The following PEX5L variants were observed in gnomAD, a reference collection of about 807,000 sequenced individuals.
PEX5L encodes the protein PEX5-related protein.
PEX5L carries 30 observed loss-of-function variants against 84.0 expected under a neutral mutation model. That is an observed-to-expected ratio of 0.36 (90% CI 0.27 to 0.48). The LOEUF (loss-of-function observed/expected upper bound fraction) is 0.48. Ranked by LOEUF, PEX5L falls within the 20% of genes least tolerant of loss-of-function variation. The pLI, the probability that PEX5L is intolerant of heterozygous loss-of-function variation, is 0.99. For missense variants in PEX5L, 533 were observed against 754.6 expected (o/e 0.71, Z 3.44); for synonymous variants, 270 against 283.1 (o/e 0.95, Z 0.46).
At chr3:179,913,450 A>T (rs1392842738) in intron 2 of PEX5L, among the ~76,000 whole-genome samples, 1 of 152,168 alleles carries the variant, frequency 6.6e-6, no homozygotes, top group Non-Finnish European at 1.5e-5. Flanking sequence ...TTCAGTAAAA[A>T]CTTAACCTAA....
intron 2 of PEX5L, among the ~76,000 whole-genome samples, chr3:179,938,244 T>C (rs1775135910): frequency 6.6e-6 from 1 of 152,238 alleles, no homozygotes; most frequent in African/African-American, 2.4e-5. Context: ...TCCTTTCATC[T>C]ATTAAAATGT....
intron 14 of PEX5L, among the ~76,000 whole-genome samples, chr3:179,805,140 G>A (rs1215982038): frequency 2.1e-5 from 3 of 139,878 alleles, no homozygotes; most frequent in African/African-American, 5.4e-5. Context: ...CGTCTCACTC[G>A]ATGGTCTTTT....
chr3:179,903,672 G>A (rs1426299461), intron 2 of PEX5L, among the ~76,000 whole-genome samples: 4 of 152,174 alleles, frequency 2.6e-5, no homozygotes, highest in Non-Finnish European at 5.9e-5. Flanking sequence ...CACTTGGCGA[G>A]CTAAATGTCA....
At chr3:179,973,111 T>G (rs779877517) in intron 1 of PEX5L, 1 of 1,127,688 alleles carries the variant, frequency 8.9e-7, no homozygotes, top group South Asian at 1.6e-5. Context: ...GTGTCTCTAA[T>G]GTAAAACACT....
At chr3:179,866,454 G>A (rs1748183364) in intron 7 of PEX5L, among the ~76,000 whole-genome samples, 1 of 152,170 alleles carries the variant, frequency 6.6e-6, no homozygotes, top group Non-Finnish European at 1.5e-5. Flanking sequence ...ATTTTCATCT[G>A]TAAAGCATAC....
chr3:179,848,828 T>G (rs1740661263), intron 8 of PEX5L, among the ~76,000 whole-genome samples: 1 of 152,188 alleles, frequency 6.6e-6, no homozygotes, highest in East Asian at 1.9e-4. Flanking sequence ...TGCTGTGGTG[T>G]GCTTGACTAA....
At chr3:180,005,835 T>G (rs1788840005) in intron 1 of PEX5L, among the ~76,000 whole-genome samples, 1 of 152,226 alleles carries the variant, frequency 6.6e-6, no homozygotes, top group Non-Finnish European at 1.5e-5. Context: ...ACTGTTGAGA[T>G]TACAGGCATG....
intron 4 of PEX5L, among the ~76,000 whole-genome samples, chr3:179,884,487 G>A (rs907559511): frequency 2.6e-5 from 4 of 152,316 alleles, no homozygotes; most frequent in African/African-American, 9.6e-5. Flanking sequence ...TTCTGTCCTG[G>A]AGCCTCCAGA....
intron 7 of PEX5L, among the ~76,000 whole-genome samples, chr3:179,872,029 C>T (rs1472349158): frequency 2.6e-5 from 4 of 152,106 alleles, no homozygotes; most frequent in Non-Finnish European, 5.9e-5. Flanking sequence ...GGGCTACAGG[C>T]TTGTGCTATC....
intron 2 of PEX5L, among the ~76,000 whole-genome samples, chr3:179,957,048 C>A (rs537605674): frequency 6.6e-6 from 1 of 152,020 alleles, no homozygotes; most frequent in African/African-American, 2.4e-5. Context: ...TATAAGGAAA[C>A]CACTAAAATG....
intron 8 of PEX5L, among the ~76,000 whole-genome samples, chr3:179,849,417 C>T (rs1486085587): frequency 6.6e-6 from 1 of 152,152 alleles, no homozygotes; most frequent in African/African-American, 2.4e-5. Flanking sequence ...ACATGAAATC[C>T]AATTTAATTT....
At chr3:179,867,503 C>G (rs953765164) in intron 7 of PEX5L, among the ~76,000 whole-genome samples, 1 of 152,120 alleles carries the variant, frequency 6.6e-6, no homozygotes, top group African/African-American at 2.4e-5. Flanking sequence ...TTGTTTCACT[C>G]CCTCCTCATT....
In PEX5L at chr3:179,799,459, CA is replaced by C. The variant is rs1450447436; in HGVS notation, c.*2368del. The C allele has an allele frequency of 6.6e-6, 1 of 152,098 alleles. No homozygotes were observed. The highest frequency in any genetic ancestry group is 1.9e-4 in the East Asian group (1 of 5,186). The allele number at this position is 152,098 out of a possible 1,614,324, so 9.4% of individuals were successfully genotyped here. A position where few individuals can be genotyped will look rare whatever the true frequency, so the allele number is the denominator to read the frequency against. On this transcript the variant is annotated 3_prime_UTR_variant, in exon 15 of 15. Coordinates refer to ENST00000467460, the MANE Select transcript of PEX5L (RefSeq NM_016559.3). The stretch of plus-strand genomic sequence containing the variant: ...AAACAGCTCCTTGGAGTTTGTGTTC[CA>C]ATAGCAAAATAAAACTTGGGCCACA...
intron 1 of PEX5L, among the ~76,000 whole-genome samples, chr3:179,987,414 ACT>A (rs1226026161): frequency 1.3e-5 from 2 of 152,108 alleles, no homozygotes; most frequent in Non-Finnish European, 2.9e-5. Flanking sequence ...TGGCTCAGAA[ACT>A]CAATATTGAA....
intron 1 of PEX5L, among the ~76,000 whole-genome samples, chr3:179,994,540 C>A (rs115201548): frequency 0.028 from 4,253 of 152,216 alleles, 206 homozygotes; most frequent in African/African-American, 0.097. Context: ...CACTTGACAC[C>A]CCTGGATAGG....
intron 1 of PEX5L, among the ~76,000 whole-genome samples, chr3:180,020,139 C>T (rs1274005831): frequency 2.6e-5 from 4 of 152,078 alleles, no homozygotes; most frequent in East Asian, 1.9e-4. Flanking sequence ...AGTCAAATAA[C>T]GCCATGATAT....
rs1774495921 is a variant in PEX5L, at chr3:179,936,065, G to A, written c.93+35529C>T. ...TTCTTTATAAATTATCCAGTCTCAG[G>A]TATCTTGTTATAGCAACACAAAACG... is the stretch of plus-strand genomic sequence containing the variant. On this transcript the variant is annotated intron_variant, in intron 2 of 14. Transcript: ENST00000467460. Among the ~76,000 whole-genome samples the A allele has an allele frequency of 3.3e-5, 5 of 152,234 alleles. No individual in the cohort carries two copies. The South Asian group carries it at 8.3e-4, about 25-fold the overall frequency.
At chr3:179,958,217 C>T (rs1781094470) in intron 2 of PEX5L, among the ~76,000 whole-genome samples, 1 of 152,098 alleles carries the variant, frequency 6.6e-6, no homozygotes, top group South Asian at 2.1e-4. Flanking sequence ...TATGTTATTT[C>T]CTAACAGTCA....
chr3:179,906,515 A>G (rs1300912546), intron 2 of PEX5L, among the ~76,000 whole-genome samples: 1 of 152,212 alleles, frequency 6.6e-6, no homozygotes. Context: ...TAAATAATAC[A>G]TATTTCATAA....
Sources: gnomAD v4.1 joint callset for allele counts (sites outside exome capture counted in the v4.1 genomes callset) on GRCh38, gnomAD v4.1.1 for gene constraint, MANE v1.5 for transcripts, NCBI Gene and HGNC (gene_info 2026-07-23, HGNC 2026-07-21) for gene names.